The following WIF1 variants were observed in gnomAD, a reference collection of about 807,000 sequenced individuals.
WIF1 encodes the protein Wnt inhibitory factor 1.
Under a neutral mutation model 53.5 loss-of-function variants are expected in WIF1, and 35 were observed. The ratio of observed to expected loss-of-function variants is 0.65; its 90% CI spans 0.50 to 0.87. The LOEUF is 0.87. Among genes scored for constraint, WIF1 ranks in the 40% least tolerant of loss-of-function variants. The pLI is 0.00. For missense variants in WIF1, 467 were observed against 476.8 expected (o/e 0.98, Z 0.19); for synonymous variants, 171 against 170.4 (o/e 1.00, Z -0.03).
Position 65,056,366 on chromosome 12 carries a change from C to CTTTT in WIF1, c.827-244_827-241dup, listed in dbSNP as rs10584146. Among the ~76,000 whole-genome samples the CTTTT allele has an allele frequency of 3.3e-4, 8 of 24,264 alleles. 1 individual carries two copies. Among genetic ancestry groups the CTTTT allele is most frequent in the African/African-American group, 1.1e-3 (8 of 7,162 alleles). 15.9% of individuals were successfully genotyped at this position (24,264 alleles called of 152,430 possible). On this transcript the variant is annotated intron_variant, in intron 7 of 9. Transcript: ENST00000286574. ...GTTGCCAAAATGCTGCATTTATATC[C>CTTTT]TTTTTTTTTTTTTTTTTTTTTTTTT...
In WIF1 at chr12:65,067,707, G is replaced by C; in HGVS notation, c.622C>G (p.His208Asp). 6.2e-7 allele frequency: 1 copy of C among 1,613,230 alleles called. No homozygotes were observed. Among genetic ancestry groups the C allele is most frequent in the Non-Finnish European group, 8.5e-7 (1 of 1,179,402 alleles). Residue 208 changes from histidine (H) to aspartate (D), a missense_variant, in exon 5 of 10, where the codon CAC (histidine) becomes GAC (aspartate). Physicochemically the swap from His to Asp is moderately conservative, Grantham distance 81. Transcript: ENST00000286574. ...CECPDGFHGP[H>D]CEKALCTPRC... The stretch of plus-strand genomic sequence containing the variant: ...CTCCATGTCTTACCTTTCTCACAGT[G>C]AGGTCCGTGGAACCCATCAGGACAC...
chr12:65,087,338 A>G (rs185377036), intron 2 of WIF1, among the ~76,000 whole-genome samples: 143 of 152,322 alleles, frequency 9.4e-4, no homozygotes, highest in Non-Finnish European at 1.8e-3. Flanking sequence ...AAACTTGAGT[A>G]GCACATATAA....
At chr12:65,080,754 T>G (rs1882936658) in intron 2 of WIF1, among the ~76,000 whole-genome samples, 1 of 152,116 alleles carries the variant, frequency 6.6e-6, no homozygotes, top group South Asian at 2.1e-4. Context: ...TTCTAAAGAC[T>G]TAACAGTACA....
Position 65,051,380 on chromosome 12 carries a change from C to T in WIF1, c.1109G>A (p.Arg370Gln), listed in dbSNP as rs145628728. The T allele has an allele frequency of 1.1e-5, 18 of 1,613,692 alleles. No homozygotes were observed. The highest frequency in any genetic ancestry group is 3.3e-5 in the Admixed American group (2 of 59,934). Residue 370 changes from arginine to glutamine, a missense_variant, in exon 10 of 10, where the codon CGG becomes CAG. Coordinates refer to ENST00000286574, the MANE Select transcript of WIF1 (RefSeq NM_007191.5). ...TPSLKKAEER[R>Q]DPPESNYIW Reference sequence around the variant, plus strand: ...GATGTAATTGGATTCAGGTGGATCCCGCCGCTCCTCGGCCTTTTTAAGTGA... The same window carrying T: ...GATGTAATTGGATTCAGGTGGATCCTGCCGCTCCTCGGCCTTTTTAAGTGA...
At chr12:65,091,249 A>AT (rs1480838714) in intron 2 of WIF1, among the ~76,000 whole-genome samples, 1 of 150,828 alleles carries the variant, frequency 6.6e-6, no homozygotes, top group Non-Finnish European at 1.5e-5. Context: ...ATTTTAAGGA[A>AT]TGAAAAAAAG....
At chr12:65,063,213 G>A (rs1424270394) in intron 6 of WIF1, among the ~76,000 whole-genome samples, 1 of 152,138 alleles carries the variant, frequency 6.6e-6, no homozygotes, top group African/African-American at 2.4e-5. Flanking sequence ...TATCATAGTG[G>A]AAGCCCAATA....
intron 3 of WIF1, among the ~76,000 whole-genome samples, chr12:65,072,473 G>A (rs1431909896): frequency 6.6e-6 from 1 of 152,160 alleles, no homozygotes; most frequent in Non-Finnish European, 1.5e-5. Flanking sequence ...TCAAAGGCAA[G>A]AACTATATCT....
At chr12:65,083,988 G>A (rs73129270) in intron 2 of WIF1, 3,772 of 233,468 alleles carry the variant, frequency 0.016, 42 homozygotes, top group Non-Finnish European at 0.024. Flanking sequence ...ACAGGCATGA[G>A]CCACTGTGCC....
At chr12:65,084,735 G>T (rs1036582331) in intron 2 of WIF1, among the ~76,000 whole-genome samples, 1 of 152,202 alleles carries the variant, frequency 6.6e-6, no homozygotes, top group Non-Finnish European at 1.5e-5. Flanking sequence ...GCATCCAGAA[G>T]TGTAAACCCG....
At chr12:65,111,802 ATCTCCTTTC>A (rs2136294297) in intron 2 of WIF1, among the ~76,000 whole-genome samples, 1 of 152,240 alleles carries the variant, frequency 6.6e-6, no homozygotes, top group South Asian at 2.1e-4. Flanking sequence ...AACTACATTC[ATCTCCTTTC>A]TCATGCTGCC....
Position 65,068,911 on chromosome 12 carries a change from GA to G in WIF1, c.398-8del, listed in dbSNP as rs745763266. 34 of 1,602,720 alleles carry G rather than the reference GA, an allele frequency of 2.1e-5. No homozygotes were observed. The East Asian group carries it at 7.1e-4, about 34-fold the overall frequency. ...GGGAAACCAACTTGAACAACTAAAA[GA>G]AAAAAAGAGAAAGTGTGGAGAAATA... is the stretch of plus-strand genomic sequence containing the variant. On this transcript the variant is annotated splice_polypyrimidine_tract_variant and splice_region_variant and intron_variant, in intron 3 of 9. Coordinates refer to ENST00000286574, the MANE Select transcript of WIF1 (RefSeq NM_007191.5).
At chr12:65,055,012 T>A (rs983529096) in intron 9 of WIF1, 106 bp downstream of exon 9, 1 of 1,184,734 alleles carries the variant, frequency 8.4e-7, no homozygotes, top group Non-Finnish European at 1.2e-6. Context: ...TGTTAGCCTT[T>A]GAAGCCAAGA....
rs1237292075 is a variant in WIF1, at chr12:65,056,110, G to A, written c.843C>T (p.Pro281=). The A allele has an allele frequency of 6.2e-7, 1 of 1,614,054 alleles. No individual in the cohort carries two copies. The highest frequency in any genetic ancestry group is 8.5e-7 in the Non-Finnish European group (1 of 1,179,978). The part of the protein sequence containing the change: ...EQCEISKCPQ[P]CRNGGKCIGK... ...CAATGCATTTACCTCCATTTCGACA[G>A]GGTTGTGGGCATTTGCCTGAAAAAG... Residue 281 remains proline (P), a synonymous_variant, in exon 8 of 10, where the codon CCC becomes CCT. Coordinates refer to ENST00000286574, the MANE Select transcript of WIF1 (RefSeq NM_007191.5).
At chr12:65,078,603 C>G (rs1371509813) in intron 2 of WIF1, among the ~76,000 whole-genome samples, 1 of 152,030 alleles carries the variant, frequency 6.6e-6, no homozygotes, top group African/African-American at 2.4e-5. Flanking sequence ...TTGCTGTTAA[C>G]ATTTATTTTT....
chr12:65,098,812 AC>A (rs1342497245), intron 2 of WIF1, among the ~76,000 whole-genome samples: 1 of 151,566 alleles, frequency 6.6e-6, no homozygotes, highest in Admixed American at 6.6e-5. Context: ...ACAGTGAAAA[AC>A]CCTGCCCTGG....
chr12:65,072,939 A>C (rs1229342682), intron 3 of WIF1, among the ~76,000 whole-genome samples: 1 of 152,214 alleles, frequency 6.6e-6, no homozygotes, highest in Non-Finnish European at 1.5e-5. Context: ...AGCAGATCGA[A>C]TATAACTCAC....
At chr12:65,055,553 C>T (rs1004806757) in intron 8 of WIF1, among the ~76,000 whole-genome samples, 2 of 152,102 alleles carry the variant, frequency 1.3e-5, no homozygotes, top group Admixed American at 6.5e-5. Context: ...AGGTGGATCA[C>T]GAGGTCAGGA....
intron 3 of WIF1, among the ~76,000 whole-genome samples, chr12:65,077,292 A>G (rs1565753024): frequency 6.6e-6 from 1 of 152,136 alleles, no homozygotes; most frequent in East Asian, 1.9e-4. Flanking sequence ...CCTTTCTCCC[A>G]CTTTTCCATG....
chr12:65,100,580 A>G (rs893439617), intron 2 of WIF1, among the ~76,000 whole-genome samples: 1 of 152,208 alleles, frequency 6.6e-6, no homozygotes, highest in African/African-American at 2.4e-5. Flanking sequence ...AATAATTGGC[A>G]ATTTGACTCA....
Sources: gnomAD v4.1 joint callset for allele counts (sites outside exome capture counted in the v4.1 genomes callset) on GRCh38, gnomAD v4.1.1 for gene constraint, MANE v1.5 for transcripts, NCBI Gene and HGNC (gene_info 2026-07-23, HGNC 2026-07-21) for gene names.